Variants in TBCD observed in about 807,000 individuals in gnomAD.
TBCD encodes tubulin-specific chaperone D.
Under a neutral mutation model 169.3 loss-of-function variants are expected in TBCD, and 105 were observed. That is an observed-to-expected ratio of 0.62 (90% confidence interval 0.53 to 0.73). The LOEUF is 0.73. Among genes scored for constraint, TBCD ranks in the 30% least tolerant of loss-of-function variants. The probability of loss-of-function intolerance (pLI) is 0.00; values close to 1 mark genes in which losing one functional copy is unlikely to be tolerated. For synonymous variants in TBCD, 700 were observed against 643.9 expected, an observed-to-expected ratio of 1.09 and a Z score of -1.32; for missense variants, 1,444 against 1,600.1, an observed-to-expected ratio of 0.90 and a Z score of 1.66.
At chr17:82,843,460 C>T (rs2054719979) in intron 13 of TBCD, among the ~76,000 whole-genome samples, 1 of 136,076 alleles carries the variant, frequency 7.3e-6, no homozygotes, top group Admixed American at 7.1e-5. Flanking sequence ...TTCCCTTCCC[C>T]TCCCCGTCCA....
intron 13 of TBCD, among the ~76,000 whole-genome samples, chr17:82,824,445 A>G (rs976806336): frequency 2.0e-5 from 3 of 151,904 alleles, no homozygotes; most frequent in African/African-American, 7.3e-5. Context: ...GGCCTCTCAA[A>G]GTGCTGGGAT....
At chr17:82,921,667 T>C in intron 25 of TBCD, 90 bp downstream of exon 25, 1 of 1,222,158 alleles carries the variant, frequency 8.2e-7, no homozygotes, top group African/African-American at 1.5e-5. Context: ...CTGTGCATCA[T>C]GAGGCTGTCC....
In TBCD at chr17:82,870,347, A is replaced by G. The variant is rs2057467459; in HGVS notation, c.1442A>G (p.Gln481Arg). ...CWAFARAYEP[Q>R]ELKPFVTAIS... The stretch of plus-strand genomic sequence containing the variant: ...GCCTTCGCGCGTGCCTATGAGCCTC[A>G]GGAGCTGAAGCCCTTTGTGACTGCA... The change falls in exon 14 of 39, where the codon CAG becomes CGG. Residue 481 changes from glutamine (Q) to arginine (R), a missense_variant. Physicochemically the swap from Gln to Arg is conservative, Grantham distance 43 (BLOSUM62 1). Transcript: ENST00000355528. 6.2e-7 allele frequency: 1 copy of G among 1,613,240 alleles called. No individual in the cohort carries two copies. Among genetic ancestry groups the G allele is most frequent in the African/African-American group, 1.3e-5 (1 of 74,948 alleles).
At chr17:82,845,314 C>CT (rs1387138996) in intron 13 of TBCD, among the ~76,000 whole-genome samples, 1 of 150,962 alleles carries the variant, frequency 6.6e-6, no homozygotes. Flanking sequence ...CCTGTCCGGC[C>CT]TGGCCCCTTC....
Position 82,927,185 on chromosome 17 carries a change from G to A in TBCD, c.2472-1G>A, listed in dbSNP as rs1254490260. Reference sequence around the variant, plus strand: ...GTTAGCTCACACATTTTAAATTTCAGGATTTGCCAGACTGTTGGTGTGAAA... The same window carrying A: ...GTTAGCTCACACATTTTAAATTTCAAGATTTGCCAGACTGTTGGTGTGAAA... On this transcript the variant is annotated splice_acceptor_variant, in intron 28 of 38. Coordinates refer to ENST00000355528, the MANE Select transcript of TBCD (RefSeq NM_005993.5). LOFTEE classifies it high-confidence loss of function. The A allele has an allele frequency of 2.5e-6, 4 of 1,613,834 alleles. No homozygotes were observed. Among genetic ancestry groups the A allele is most frequent in the Admixed American group, 1.7e-5 (1 of 59,960 alleles).
chr17:82,909,892 T>C (rs1407780655), intron 22 of TBCD, among the ~76,000 whole-genome samples: 4 of 152,248 alleles, frequency 2.6e-5, no homozygotes, highest in African/African-American at 9.6e-5. Context: ...CCAGGCAGCC[T>C]GTCTGCTCTG....
intron 13 of TBCD, among the ~76,000 whole-genome samples, chr17:82,834,238 G>C (rs866707490): frequency 2.0e-5 from 3 of 152,160 alleles, no homozygotes; most frequent in Non-Finnish European, 4.4e-5. Flanking sequence ...GTGAGCCACC[G>C]CACCCGTCCC....
intron 20 of TBCD, among the ~76,000 whole-genome samples, 192 bp downstream of exon 20, chr17:82,906,245 C>T (rs1055387741): frequency 7.2e-5 from 11 of 152,278 alleles, no homozygotes; most frequent in South Asian, 6.2e-4. Flanking sequence ...ACGGTCATGC[C>T]GTGGGTGGAC....
In TBCD at chr17:82,889,097, G is replaced by C. The variant is rs78542687; in HGVS notation, c.1534-571G>C. Among the ~76,000 whole-genome samples the C allele has an allele frequency of 1.3e-4, 20 of 152,324 alleles. No individual in the cohort carries two copies. The highest frequency in any genetic ancestry group is 4.1e-4 in the South Asian group (2 of 4,828). ...GCTCTGCCTGGTCGGTGCGCCTAAG[G>C]GGGGCAGGGTGTTTGGGGAGGACAT... On this transcript the variant is annotated intron_variant, in intron 15 of 38. Coordinates refer to ENST00000355528, the MANE Select transcript of TBCD (RefSeq NM_005993.5). This position sits in a 1 kb window ranked among gnomAD's most constrained non-coding sequence, Gnocchi z 5.3.
intron 1 of TBCD, among the ~76,000 whole-genome samples, chr17:82,752,659 G>A (rs1012436841): frequency 3.3e-5 from 5 of 152,158 alleles, no homozygotes; most frequent in Non-Finnish European, 5.9e-5. Context: ...CGGCCTCCCC[G>A]GGAGGCGGGG....
At chr17:82,778,157 T>C (rs556783018) in intron 6 of TBCD, among the ~76,000 whole-genome samples, 7 of 152,256 alleles carry the variant, frequency 4.6e-5, no homozygotes, top group African/African-American at 7.2e-5. Flanking sequence ...TAATGATTAA[T>C]GATATATATA....
At chr17:82,825,637 T>G (rs1245056051) in intron 13 of TBCD, among the ~76,000 whole-genome samples, 1 of 152,116 alleles carries the variant, frequency 6.6e-6, no homozygotes, top group African/African-American at 2.4e-5. Context: ...CAGATACCCC[T>G]TGGAATTGTG....
intron 13 of TBCD, among the ~76,000 whole-genome samples, chr17:82,862,450 G>C (rs2056848557): frequency 6.6e-6 from 1 of 151,946 alleles, no homozygotes; most frequent in Non-Finnish European, 1.5e-5. Context: ...GCCCAGACGG[G>C]GGAGGTGGGA....
intron 13 of TBCD, among the ~76,000 whole-genome samples, chr17:82,834,406 A>C (rs1241155578): frequency 6.6e-6 from 1 of 152,224 alleles, no homozygotes; most frequent in African/African-American, 2.4e-5. Context: ...AAATGTAAAA[A>C]AGAAAAGGTC....
At position 82,780,645 on chromosome 17, in the gene TBCD, C is replaced by CTT. The variant is rs36145167; in HGVS notation, c.639-928_639-927dup. 2.4e-3 allele frequency among the ~76,000 whole-genome samples: 255 copies of CTT among 104,720 alleles called. 31 individuals are homozygous for CTT. Among genetic ancestry groups the CTT allele is most frequent in the African/African-American group, 4.7e-3 (127 of 27,008 alleles). 68.7% of individuals were successfully genotyped at this position (104,720 alleles called of 152,430 possible). ...ATCTCAAAAAAAAGGAAGACTTGGG[C>CTT]TTTTTTTTTTTTTTTTTGAGACAGA... On this transcript the variant is annotated intron_variant, in intron 6 of 38. Coordinates refer to ENST00000355528, the MANE Select transcript of TBCD (RefSeq NM_005993.5).
Position 82,831,317 on chromosome 17 carries a change from G to A in TBCD, c.1318+16383G>A. ...GAGGAGTCTTTAGCCTCAGGAATTG[G>A]ACTTTCGAACTCGACGTGTTTTCTG... On this transcript the variant is annotated intron_variant, in intron 13 of 38. Transcript: ENST00000355528. This position sits in a 1 kb window ranked among gnomAD's most constrained non-coding sequence, Gnocchi z 4.6. 1 of 1,614,012 alleles carries A rather than the reference G, an allele frequency of 6.2e-7. No homozygotes were observed. Among genetic ancestry groups the A allele is most frequent in the East Asian group, 2.2e-5 (1 of 44,878 alleles).
In TBCD at chr17:82,893,612, C is replaced by T; in HGVS notation, c.1629C>T (p.Ser543=). 1 of 1,609,262 alleles carries T rather than the reference C, an allele frequency of 6.2e-7. No homozygotes were observed. Among genetic ancestry groups the T allele is most frequent in the Non-Finnish European group, 8.5e-7 (1 of 1,177,466 alleles). ...ACTATTTTGCCGTCGGTAACAGATC[C>T]AACTGTTTCCTGGTTATAAGGTAAG... ...TADYFAVGNR[S]NCFLVISVFI... Residue 543 remains serine (S), a synonymous_variant, in exon 17 of 39, where the codon TCC becomes TCT. Transcript: ENST00000355528.
intron 14 of TBCD, among the ~76,000 whole-genome samples, chr17:82,871,053 G>A (rs564293318): frequency 1.3e-5 from 2 of 152,344 alleles, no homozygotes; most frequent in Non-Finnish European, 2.9e-5. Context: ...CTGGCTTCCT[G>A]ATGAGAAAAC....
chr17:82,865,060 G>A (rs536938270), intron 13 of TBCD, among the ~76,000 whole-genome samples: 268 of 152,338 alleles, frequency 1.8e-3, no homozygotes, highest in Non-Finnish European at 2.8e-3. Flanking sequence ...GGGCCTCTGG[G>A]AAGGCTTCTC....
Sources: gnomAD v4.1 joint callset for allele counts (sites outside exome capture counted in the v4.1 genomes callset) on GRCh38, gnomAD v4.1.1 for gene constraint, Gnocchi (gnomAD v3.1) non-coding constraint, MANE v1.5 for transcripts, NCBI Gene and HGNC (gene_info 2026-07-23, HGNC 2026-07-21) for gene names.